The following CNTNAP2 variants were observed in gnomAD, a reference collection of about 807,000 sequenced individuals.
The protein encoded by CNTNAP2 is contactin-associated protein-like 2.
CNTNAP2 carries 98 observed loss-of-function variants against 155.2 expected under a neutral mutation model. The observed-to-expected ratio is 0.63, with a 90% CI of 0.54 to 0.75. The LOEUF (loss-of-function observed/expected upper bound fraction) is 0.75, where lower values mean the gene tolerates loss of function less well. Among genes scored for constraint, CNTNAP2 ranks in the 30% least tolerant of loss-of-function variants. The probability of loss-of-function intolerance (pLI) is 0.00; values close to 1 mark genes in which losing one functional copy is unlikely to be tolerated. For synonymous variants in CNTNAP2, 651 were observed against 631.2 expected (o/e 1.03, Z -0.47); for missense variants, 1,727 against 1,688.1 (o/e 1.02, Z -0.40).
At chr7:146,639,295 G>A (rs146780152) in intron 1 of CNTNAP2, among the ~76,000 whole-genome samples, 274 of 152,140 alleles carry the variant, frequency 1.8e-3, no homozygotes, top group Non-Finnish European at 2.5e-3. Context: ...GCACATTACC[G>A]GAAAAAGCAT....
intron 1 of CNTNAP2, among the ~76,000 whole-genome samples, chr7:146,676,795 C>T (rs763983036): frequency 4.6e-5 from 7 of 152,132 alleles, no homozygotes; most frequent in Non-Finnish European, 8.8e-5. Flanking sequence ...TCTCATGAGA[C>T]TTTTTCACTA....
chr7:148,042,567 G>A (rs1395565663), intron 15 of CNTNAP2, among the ~76,000 whole-genome samples: 1 of 152,082 alleles, frequency 6.6e-6, no homozygotes, highest in Admixed American at 6.5e-5. Context: ...TGCTAACTTG[G>A]TCTACCCTCT....
intron 3 of CNTNAP2, among the ~76,000 whole-genome samples, chr7:146,947,780 C>A (rs937707387): frequency 4.6e-5 from 7 of 151,138 alleles, no homozygotes; most frequent in African/African-American, 1.7e-4. Context: ...TGGTGGGGTG[C>A]CTGTAGTCCC....
rs369666019 is a variant in CNTNAP2, at chr7:146,875,978, GAGA to G, written c.402+36082_402+36084del. On this transcript the variant is annotated intron_variant, in intron 3 of 23. Coordinates refer to ENST00000361727, the MANE Select transcript of CNTNAP2 (RefSeq NM_014141.6). Reference sequence around the variant, plus strand: ...AAAAAAAAACAAAAAACAAAAAAACGAGAAGAAGAACAAAAACATCTTTTTGGG... The same window carrying G: ...AAAAAAAAACAAAAAACAAAAAAACGAGAAGAACAAAAACATCTTTTTGGG... 6.4e-3 allele frequency among the ~76,000 whole-genome samples: 681 copies of G among 106,604 alleles called. 8 individuals carry two copies. Among genetic ancestry groups the G allele is most frequent in the African/African-American group, 0.022 (640 of 29,320 alleles). 69.9% of individuals were successfully genotyped at this position (106,604 alleles called of 152,430 possible).
At chr7:148,033,026 G>A (rs557961513) in intron 15 of CNTNAP2, among the ~76,000 whole-genome samples, 1 of 152,214 alleles carries the variant, frequency 6.6e-6, no homozygotes, top group South Asian at 2.1e-4. Context: ...CCAACACTCG[G>A]TGACTCTCCC....
intron 1 of CNTNAP2, chr7:146,195,100 C>G (rs547101151): frequency 6.6e-6 from 1 of 152,276 alleles, no homozygotes; most frequent in South Asian, 2.1e-4. Context: ...ATTCTTTCTT[C>G]TCTAAAACAG....
chr7:147,754,257 A>G (rs79462583), intron 13 of CNTNAP2, among the ~76,000 whole-genome samples: 420 of 152,310 alleles, frequency 2.8e-3, no homozygotes, highest in African/African-American at 9.7e-3. Flanking sequence ...AGCAAAATGT[A>G]CTAGACACTT....
intron 12 of CNTNAP2, among the ~76,000 whole-genome samples, chr7:147,564,568 A>T (rs1800129753): frequency 6.6e-6 from 1 of 152,200 alleles, no homozygotes. Flanking sequence ...GACAATTAAG[A>T]ATTTATTTTA....
chr7:146,965,720 A>G (rs1797644060), intron 3 of CNTNAP2, among the ~76,000 whole-genome samples: 2 of 152,192 alleles, frequency 1.3e-5, no homozygotes, highest in Non-Finnish European at 2.9e-5. Flanking sequence ...TGAAATATCC[A>G]GGCTATAGAA....
intron 8 of CNTNAP2, among the ~76,000 whole-genome samples, chr7:147,238,390 AAT>A: frequency 7.0e-6 from 1 of 142,306 alleles, no homozygotes; most frequent in Non-Finnish European, 1.5e-5. Flanking sequence ...CATTCCTACA[AAT>A]ATGTGTGCAG....
At chr7:146,448,455 T>C (rs1238131732) in intron 1 of CNTNAP2, among the ~76,000 whole-genome samples, 2 of 151,972 alleles carry the variant, frequency 1.3e-5, no homozygotes, top group Non-Finnish European at 2.9e-5. Flanking sequence ...TCTTTGTTTA[T>C]AGAAGATTGC....
chr7:147,643,151 T>C (rs1020789728), intron 13 of CNTNAP2, among the ~76,000 whole-genome samples: 7 of 152,158 alleles, frequency 4.6e-5, no homozygotes, highest in African/African-American at 1.4e-4. Context: ...CATGAAGGTT[T>C]CTCATGTTGG....
intron 13 of CNTNAP2, among the ~76,000 whole-genome samples, chr7:147,778,439 A>G (rs1052919558): frequency 6.6e-6 from 1 of 152,226 alleles, no homozygotes; most frequent in Non-Finnish European, 1.5e-5. Context: ...TTCAGGAATC[A>G]CATTCTGGAA....
At chr7:147,356,926 C>T (rs1481850367) in intron 9 of CNTNAP2, among the ~76,000 whole-genome samples, 1 of 152,076 alleles carries the variant, frequency 6.6e-6, no homozygotes, top group South Asian at 2.1e-4. Context: ...GATCAAATGG[C>T]CACCAGTTAG....
intron 8 of CNTNAP2, among the ~76,000 whole-genome samples, chr7:147,178,967 T>C (rs913724253): frequency 9.2e-5 from 14 of 152,152 alleles, no homozygotes; most frequent in African/African-American, 3.1e-4. Flanking sequence ...GGGTCTTTCA[T>C]TTTCATCAGA....
chr7:148,327,373 G>A (rs1050366664), intron 21 of CNTNAP2, among the ~76,000 whole-genome samples: 5 of 152,204 alleles, frequency 3.3e-5, no homozygotes, highest in Non-Finnish European at 7.3e-5. Context: ...TTCTCCCTGA[G>A]TTTTGCTGTT....
At chr7:146,191,342 G>A in intron 1 of CNTNAP2, among the ~76,000 whole-genome samples, 1 of 152,114 alleles carries the variant, frequency 6.6e-6, no homozygotes, top group Non-Finnish European at 1.5e-5. Flanking sequence ...TAGGGTGTGG[G>A]TCACAGAGAT....
intron 13 of CNTNAP2, among the ~76,000 whole-genome samples, chr7:147,820,989 AAT>A (rs1798351169): frequency 6.6e-6 from 1 of 152,136 alleles, no homozygotes; most frequent in Admixed American, 6.6e-5. Flanking sequence ...TGTACAGATT[AAT>A]ATGTCTAGCT....
intron 8 of CNTNAP2, among the ~76,000 whole-genome samples, chr7:147,159,523 C>T (rs1161495646): frequency 6.6e-6 from 1 of 151,924 alleles, no homozygotes; most frequent in Non-Finnish European, 1.5e-5. Flanking sequence ...AAACATATAA[C>T]CAACTCTATT....
Sources: gnomAD v4.1 joint callset for allele counts (sites outside exome capture counted in the v4.1 genomes callset) on GRCh38, gnomAD v4.1.1 for gene constraint, MANE v1.5 for transcripts, NCBI Gene and HGNC (gene_info 2026-07-23, HGNC 2026-07-21) for gene names.